The following TECPR1 variants were observed in gnomAD, a reference collection of about 807,000 sequenced individuals.
The protein encoded by TECPR1 is tectonin beta-propeller repeat containing 1.
In TECPR1, 122 loss-of-function variants were observed where a neutral mutation model predicts 162.4. The observed-to-expected ratio is 0.75, with a 90% CI of 0.65 to 0.87. The LOEUF (loss-of-function observed/expected upper bound fraction) is 0.87. TECPR1 is among the 40% of genes least tolerant of loss of function. The pLI is 0.00. For synonymous variants in TECPR1, 642 were observed against 670.6 expected (o/e 0.96, Z 0.66); for missense variants, 1,432 against 1,618.2 (o/e 0.88, Z 1.97).
intron 15 of TECPR1, among the ~76,000 whole-genome samples, chr7:98,230,187 T>G (rs1398785014): frequency 1.3e-5 from 2 of 151,734 alleles, no homozygotes; most frequent in Non-Finnish European, 2.9e-5. Flanking sequence ...TTTTTTTTTT[T>G]GTAGAGACGA....
intron 11 of TECPR1, 58 bp downstream of exon 11, chr7:98,233,363 C>T: frequency 1.4e-6 from 2 of 1,407,620 alleles, no homozygotes; most frequent in South Asian, 1.7e-5. Context: ...CTCCCACACC[C>T]CACACCCCCA....
At chr7:98,242,613 C>T (rs1452315020) in intron 6 of TECPR1, among the ~76,000 whole-genome samples, 1 of 148,614 alleles carries the variant, frequency 6.7e-6, no homozygotes, top group East Asian at 2.0e-4. Flanking sequence ...CGCACACCCA[C>T]CCATCTGTCC....
intron 2 of TECPR1, among the ~76,000 whole-genome samples, chr7:98,248,104 C>G (rs1023577802): frequency 3.3e-5 from 5 of 152,188 alleles, no homozygotes; most frequent in Non-Finnish European, 7.4e-5. Flanking sequence ...CCCCTGGCCC[C>G]ACCTCCAGGG....
chr7:98,236,875 C>T lies in TECPR1; in HGVS notation c.1082G>A (p.Gly361Asp). The change falls in exon 10 of 26, where the codon GGT becomes GAT. Residue 361 changes from glycine (G) to aspartate (D), a missense_variant. Coordinates refer to ENST00000447648, the MANE Select transcript of TECPR1 (RefSeq NM_015395.3). ...CEDRAVYFRQ[G>D]VTPSELSGKT... ...CCCACTGAGCTCGCTGGGGGTGACA[C>T]CCTGCCGGAAGTACACGGCTCGGTC... 6.3e-7 allele frequency: 1 copy of T among 1,580,958 alleles called. No individual in the cohort carries two copies. Among genetic ancestry groups the T allele is most frequent in the Admixed American group, 1.8e-5 (1 of 55,266 alleles).
chr7:98,222,303 C>A, intron 22 of TECPR1, 83 bp downstream of exon 22: 2 of 1,503,488 alleles, frequency 1.3e-6, no homozygotes, highest in Middle Eastern at 1.8e-4. Context: ...TTCTGGGGGA[C>A]CCTGGCCCAG....
At position 98,233,960 on chromosome 7, in the gene TECPR1, C is replaced by T. The variant is rs773237154; in HGVS notation, c.1182-49G>A. 4.4e-5 allele frequency: 64 copies of T among 1,465,592 alleles called. 1 individual carries two copies. In the South Asian group the frequency reaches 5.5e-4, roughly 13 times the overall value. 90.8% of individuals were successfully genotyped at this position (1,465,592 alleles called of 1,614,324 possible). On this transcript the variant is annotated intron_variant, in intron 10 of 25. Coordinates refer to ENST00000447648, the MANE Select transcript of TECPR1 (RefSeq NM_015395.3). ...CATCACTCCCTTGCAGGGGAACAGG[C>T]GCTGTCAGGCAGGCCCAGCTCCAGC... is the stretch of plus-strand genomic sequence containing the variant.
At chr7:98,246,879 G>A (rs934834926) in intron 2 of TECPR1, among the ~76,000 whole-genome samples, 3 of 151,778 alleles carry the variant, frequency 2.0e-5, no homozygotes, top group South Asian at 2.1e-4. Context: ...CACCACGCCC[G>A]GTCTCTTTTT....
chr7:98,245,974 A>C lies in TECPR1; in HGVS notation c.173T>G (p.Val58Gly). ...GCGGATGGGGACATCGCTGGCACAC[A>C]CATACACGTAGACCTGGTTGTCACA... ...IACDNQVYVYVCASDVPIRRR... is the reference protein window; with the variant it reads ...IACDNQVYVYGCASDVPIRRR... Residue 58 changes from valine (V) to glycine (G), a missense_variant, in exon 3 of 26, where the codon GTG (valine) becomes GGG (glycine). Val to Gly is a moderately radical substitution (Grantham distance 109). Coordinates refer to ENST00000447648, the MANE Select transcript of TECPR1 (RefSeq NM_015395.3). 4 of 1,607,022 alleles carry C rather than the reference A, an allele frequency of 2.5e-6. No homozygotes were observed. The highest frequency in any genetic ancestry group is 3.4e-6 in the Non-Finnish European group (4 of 1,177,404).
At position 98,217,739 on chromosome 7, in the gene TECPR1, C is replaced by T. The variant is rs373953014; in HGVS notation, c.3337G>A (p.Val1113Met). 39 of 1,550,204 alleles carry T rather than the reference C, an allele frequency of 2.5e-5. 1 individual carries two copies. The highest frequency in any genetic ancestry group is 3.1e-5 in the Non-Finnish European group (35 of 1,146,884). ...TGGCCCTTGGGCTCGTGAGGCTGCA[C>T]GCCGGTGCGATGACACACTGTCCCC... ...SRGTVCHRTGVQPHEPKGHGW... is the reference protein window; with the variant it reads ...SRGTVCHRTGMQPHEPKGHGW... Residue 1113 changes from valine (V) to methionine (M), a missense_variant, in exon 25 of 26, where the codon GTG (valine) becomes ATG (methionine). By Grantham distance (21) the Val-to-Met change is conservative (BLOSUM62 1). Transcript: ENST00000447648.
rs1759899388 is a variant in TECPR1 at position 98,217,724 on chromosome 7, G to A, written c.3352C>T (p.Pro1118Ser). ...CCGTAGTCCCAGCCGTGGCCCTTGGGCTCGTGAGGCTGCACGCCGGTGCGA... is the reference window on the plus strand; with the variant it reads ...CCGTAGTCCCAGCCGTGGCCCTTGGACTCGTGAGGCTGCACGCCGGTGCGA... Reference protein sequence around the residue: ...CHRTGVQPHEPKGHGWDYGIG... With the variant: ...CHRTGVQPHESKGHGWDYGIG... Residue 1118 changes from proline (P) to serine (S), a missense_variant, in exon 25 of 26, where the codon CCC becomes TCC. Transcript: ENST00000447648. 5 of 1,549,466 alleles carry A rather than the reference G, an allele frequency of 3.2e-6. No homozygotes were observed. Among genetic ancestry groups the A allele is most frequent in the Non-Finnish European group, 4.4e-6 (5 of 1,146,512 alleles).
chr7:98,241,679 G>C lies in TECPR1; in HGVS notation c.658-435C>G, dbSNP rs1798753052. Among the ~76,000 whole-genome samples the C allele has an allele frequency of 6.6e-6, 1 of 152,234 alleles. No homozygotes were observed. The highest frequency in any genetic ancestry group is 6.5e-5 in the Admixed American group (1 of 15,286). ...GTTAAGACTGGGAGCAACGTGCTCA[G>C]AGCGTCTGAACTGTTTGGCTCATTT... On this transcript the variant is annotated intron_variant, in intron 6 of 25. Transcript: ENST00000447648. This position sits in a 1 kb window ranked among gnomAD's most constrained non-coding sequence, Gnocchi z 5.0.
Position 98,217,408 on chromosome 7 carries a change from A to G in TECPR1, c.3480T>C (p.His1160=). 1.3e-6 allele frequency: 2 copies of G among 1,599,964 alleles called. No homozygotes were observed. Among genetic ancestry groups the G allele is most frequent in the Non-Finnish European group, 1.7e-6 (2 of 1,173,600 alleles). Residue 1160 remains histidine (H), a synonymous_variant, in exon 26 of 26, where the codon CAT becomes CAC. Coordinates refer to ENST00000447648, the MANE Select transcript of TECPR1 (RefSeq NM_015395.3). ...GGGGGCCTCAGCAGCAGACGGGGCC[A>G]TGGGCCTCTGGTGGGGCACTCGGCT... The part of the protein sequence containing the change: ...EQEPSAPPEA[H]GPVCC
At chr7:98,223,507 G>A (rs142914940) in intron 20 of TECPR1, among the ~76,000 whole-genome samples, 155 bp downstream of exon 20, 208 of 152,222 alleles carry the variant, frequency 1.4e-3, no homozygotes, top group African/African-American at 4.5e-3. Flanking sequence ...ACTCAGATTC[G>A]GCTTCCCTCT....
chr7:98,247,548 G>T (rs758926919), intron 2 of TECPR1, among the ~76,000 whole-genome samples: 20 of 152,098 alleles, frequency 1.3e-4, no homozygotes, highest in South Asian at 8.3e-4. Context: ...GAGTGGGCAG[G>T]TCTCCCCGCC....
chr7:98,233,784 A>C lies in TECPR1; in HGVS notation c.1309T>G (p.Ser437Ala). 7 of 1,611,770 alleles carry C rather than the reference A, an allele frequency of 4.3e-6. No homozygotes were observed. Among genetic ancestry groups the C allele is most frequent in the Non-Finnish European group, 5.9e-6 (7 of 1,179,462 alleles). Reference sequence around the variant, plus strand: ...GCTGAGTTCCCTGTGGCATTCTTGGAATCGTCTAGAGGTTCTGCAGGGAGA... The same window carrying C: ...GCTGAGTTCCCTGTGGCATTCTTGGCATCGTCTAGAGGTTCTGCAGGGAGA... Reference protein sequence around the residue: ...QILPAEPLDDSKNATGNSASG... With the variant: ...QILPAEPLDDAKNATGNSASG... The change falls in exon 11 of 26, where the codon TCC becomes GCC. Residue 437 changes from serine (S) to alanine (A), a missense_variant. Ser to Ala is a moderately conservative substitution (Grantham distance 99, BLOSUM62 1). Coordinates refer to ENST00000447648, the MANE Select transcript of TECPR1 (RefSeq NM_015395.3).
At chr7:98,228,210 G>A in intron 16 of TECPR1, 94 bp from the exon 17 acceptor site, 1 of 1,018,092 alleles carries the variant, frequency 9.8e-7, no homozygotes, top group East Asian at 2.6e-5. Flanking sequence ...AGAGAGACGG[G>A]GAGGGCGGGC....
At position 98,224,801 on chromosome 7, in the gene TECPR1, G is replaced by A. The variant is rs751082471; in HGVS notation, c.2690C>T (p.Ala897Val). The change falls in exon 19 of 26, where the codon GCC becomes GTC. Residue 897 changes from alanine to valine, a missense_variant and splice_region_variant. Transcript: ENST00000447648. ...AGGCCCTGTGCAGGGAGAGGCTTACGCAGGGAAGTCGCTGGCATACTGCCA... is the reference window on the plus strand; with the variant it reads ...AGGCCCTGTGCAGGGAGAGGCTTACACAGGGAAGTCGCTGGCATACTGCCA... Reference protein sequence around the residue: ...EGWQYASDFPASYHGSKTMKD... With the variant: ...EGWQYASDFPVSYHGSKTMKD... 1.5e-5 allele frequency: 24 copies of A among 1,580,388 alleles called. No individual in the cohort carries two copies. The highest frequency in any genetic ancestry group is 1.2e-4 in the African/African-American group (9 of 74,192).
At chr7:98,240,136 G>A (rs1262753112) in intron 8 of TECPR1, among the ~76,000 whole-genome samples, 1 of 151,968 alleles carries the variant, frequency 6.6e-6, no homozygotes, top group African/African-American at 2.4e-5. Context: ...GAAAAACCCT[G>A]TGAGTAATCG....
intron 9 of TECPR1, among the ~76,000 whole-genome samples, chr7:98,237,706 C>T (rs1470753201): frequency 2.0e-5 from 3 of 151,344 alleles, no homozygotes; most frequent in African/African-American, 7.3e-5. Context: ...TGACCTCAGG[C>T]GATCCACCCA....
Sources: allele counts gnomAD v4.1 joint callset (sites outside exome capture counted in the v4.1 genomes callset), GRCh38; gene constraint gnomAD v4.1.1; non-coding constraint Gnocchi (gnomAD v3.1); transcripts MANE v1.5; gene names NCBI Gene and HGNC (gene_info 2026-07-23, HGNC 2026-07-21).